The following CSGALNACT1 variants were observed in gnomAD, a reference collection of about 807,000 sequenced individuals.
The protein encoded by CSGALNACT1 is chondroitin sulfate N-acetylgalactosaminyltransferase 1.
A neutral mutation model predicts 51.0 loss-of-function variants in CSGALNACT1; 52 were observed. The observed-to-expected ratio is 1.02, with a 90% confidence interval of 0.82 to 1.29. The LOEUF is 1.29. Among genes scored for constraint, CSGALNACT1 ranks in the 50% most tolerant of loss-of-function variants. The probability of loss-of-function intolerance (pLI) is 0.00; values close to 1 mark genes in which losing one functional copy is unlikely to be tolerated. For missense variants in CSGALNACT1, 935 were observed against 679.2 expected (o/e 1.38, Z -4.19); for synonymous variants, 341 against 254.4 (o/e 1.34, Z -3.24).
intron 1 of CSGALNACT1, among the ~76,000 whole-genome samples, chr8:19,681,183 C>T (rs772622133): frequency 2.8e-4 from 43 of 152,240 alleles, no homozygotes; most frequent in Non-Finnish European, 4.4e-4. Flanking sequence ...TCTCCCACCT[C>T]CCTGCAGAGC....
intron 6 of CSGALNACT1, among the ~76,000 whole-genome samples, chr8:19,427,414 A>G (rs1185893317): frequency 6.6e-6 from 1 of 152,192 alleles, no homozygotes; most frequent in African/African-American, 2.4e-5. Context: ...GCGGGCACCA[A>G]ACAAATTTGC....
intron 1 of CSGALNACT1, among the ~76,000 whole-genome samples, chr8:19,613,123 G>A (rs764850902): frequency 5.3e-5 from 8 of 151,896 alleles, no homozygotes; most frequent in Non-Finnish European, 1.2e-4. Context: ...ACAATACATT[G>A]GTGAGACAAA....
At chr8:19,526,197 G>GGGAGGCA (rs1563901385) in intron 3 of CSGALNACT1, among the ~76,000 whole-genome samples, 2 of 152,214 alleles carry the variant, frequency 1.3e-5, no homozygotes, top group South Asian at 2.1e-4. Context: ...ACATGGGATT[G>GGGAGGCA]GGAGGCAGGA....
chr8:19,585,064 T>A (rs1481021238), intron 3 of CSGALNACT1: 1 of 152,206 alleles, frequency 6.6e-6, no homozygotes, highest in East Asian at 1.9e-4. Flanking sequence ...CATAAAGCAC[T>A]GCTAAGAAGT....
At chr8:19,753,551 C>T (rs1278100867) in intron 1 of CSGALNACT1, among the ~76,000 whole-genome samples, 3 of 152,160 alleles carry the variant, frequency 2.0e-5, no homozygotes, top group Non-Finnish European at 4.4e-5. Context: ...TGTCCATTTG[C>T]TTCTGAGACA....
intron 1 of CSGALNACT1, among the ~76,000 whole-genome samples, chr8:19,705,782 T>C (rs1299913962): frequency 1.3e-5 from 2 of 152,038 alleles, no homozygotes; most frequent in Non-Finnish European, 2.9e-5. Context: ...GTTTCAAAAA[T>C]TGTACATGAC....
rs2061849589 is a variant in CSGALNACT1, at chr8:19,701,154, T to TTTTTTTTTG, written c.-297+56695_-297+56696insCAAAAAAAA. ...AAAATTTCAGTTCATCTATTATCCGTTTTTTTTTTTTTTTTTTTTGATACA... is the reference window on the plus strand; with the variant it reads ...AAAATTTCAGTTCATCTATTATCCGTTTTTTTTTGTTTTTTTTTTTTTTTTTTTGATACA... On this transcript the variant is annotated intron_variant, in intron 1 of 1. Transcript: ENST00000517494. 8.3e-5 allele frequency among the ~76,000 whole-genome samples: 3 copies of TTTTTTTTTG among 36,066 alleles called. 1 individual carries two copies. The highest frequency in any genetic ancestry group is 1.9e-4 in the Non-Finnish European group (3 of 15,504). The allele number at this position is 36,066 out of a possible 152,430, so 23.7% of individuals were successfully genotyped here.
chr8:19,539,794 A>G (rs2084662477), intron 3 of CSGALNACT1, among the ~76,000 whole-genome samples: 1 of 152,176 alleles, frequency 6.6e-6, no homozygotes, highest in African/African-American at 2.4e-5. Context: ...TCCAGAGGCG[A>G]TGCCCCTCCT....
At chr8:19,570,884 C>A (rs988738102) in intron 3 of CSGALNACT1, among the ~76,000 whole-genome samples, 1 of 152,146 alleles carries the variant, frequency 6.6e-6, no homozygotes, top group Non-Finnish European at 1.5e-5. Flanking sequence ...TAGCAGCCAG[C>A]CTGGGCAATG....
At chr8:19,722,054 C>G (rs1481119009) in intron 1 of CSGALNACT1, among the ~76,000 whole-genome samples, 1 of 151,968 alleles carries the variant, frequency 6.6e-6, no homozygotes, top group East Asian at 1.9e-4. Context: ...TGATTTAAAA[C>G]TGATTAATTC....
At chr8:19,595,547 A>T (rs1036432215) in intron 2 of CSGALNACT1, among the ~76,000 whole-genome samples, 2 of 152,122 alleles carry the variant, frequency 1.3e-5, no homozygotes, top group Non-Finnish European at 2.9e-5. Context: ...CTTGGATTAG[A>T]TATGTGCCCA....
chr8:19,705,530 G>A (rs2062108871), intron 1 of CSGALNACT1, among the ~76,000 whole-genome samples: 1 of 152,158 alleles, frequency 6.6e-6, no homozygotes, highest in East Asian at 1.9e-4. Flanking sequence ...AAGCCCAGGA[G>A]CTCAAGACCA....
chr8:19,667,018 AG>A (rs1398726636), intron 1 of CSGALNACT1, among the ~76,000 whole-genome samples: 585 of 39,566 alleles, frequency 0.015, 53 homozygotes, highest in African/African-American at 0.047. Flanking sequence ...AAAGAAAGAA[AG>A]GAAGGAAGGA....
rs185995417 is a variant in CSGALNACT1, at chr8:19,694,976, G to A, written c.-297+62874C>T. Among the ~76,000 whole-genome samples the A allele has an allele frequency of 1.5e-4, 23 of 152,200 alleles. No individual in the cohort carries two copies. The East Asian group carries it at 3.3e-3, about 22-fold the overall frequency. On this transcript the variant is annotated intron_variant, in intron 1 of 1. Transcript: ENST00000517494. ...AGACCCTTTCCATTCAACAAGCCCC[G>A]GAGACAGATGCTGAGGGGTCATGAG...
chr8:19,659,948 A>G (rs2058618646), intron 1 of CSGALNACT1, among the ~76,000 whole-genome samples: 1 of 152,228 alleles, frequency 6.6e-6, no homozygotes, highest in Admixed American at 6.5e-5. Flanking sequence ...AATACTTATT[A>G]TATGCTAGAC....
At chr8:19,592,706 A>T (rs1588815503) in intron 2 of CSGALNACT1, among the ~76,000 whole-genome samples, 1 of 152,332 alleles carries the variant, frequency 6.6e-6, no homozygotes, top group Non-Finnish European at 1.5e-5. Context: ...GTGAGCCAAG[A>T]TCGCACCACT....
At chr8:19,624,896 C>T (rs1451060201) in intron 1 of CSGALNACT1, among the ~76,000 whole-genome samples, 1 of 152,172 alleles carries the variant, frequency 6.6e-6, no homozygotes, top group African/African-American at 2.4e-5. Flanking sequence ...CCAGGATGGT[C>T]TCAATCTCCT....
upstream of CSGALNACT1, among the ~76,000 whole-genome samples, chr8:19,683,400 C>CA (rs1223816125): frequency 7.2e-5 from 11 of 151,892 alleles, no homozygotes; most frequent in African/African-American, 2.2e-4. Flanking sequence ...AGAAGCAAGG[C>CA]AAAAAAAGCT....
At chr8:19,660,221 G>GA (rs1362224412) in intron 1 of CSGALNACT1, among the ~76,000 whole-genome samples, 3 of 152,182 alleles carry the variant, frequency 2.0e-5, no homozygotes, top group African/African-American at 7.2e-5. Flanking sequence ...TGGGATCAGA[G>GA]AAAATTCAAT....
Sources: gnomAD v4.1 joint callset for allele counts (sites outside exome capture counted in the v4.1 genomes callset) on GRCh38, gnomAD v4.1.1 for gene constraint, MANE v1.5 for transcripts, NCBI Gene and HGNC (gene_info 2026-07-23, HGNC 2026-07-21) for gene names.